The following WNK2 variants were observed in gnomAD, a reference collection of about 807,000 sequenced individuals.
WNK2 encodes WNK lysine deficient protein kinase 2, also known as serine/threonine-protein kinase WNK2.
WNK2 carries 67 observed loss-of-function variants against 192.1 expected under a neutral mutation model. That is an observed-to-expected ratio of 0.35 (90% CI 0.29 to 0.43). The LOEUF (loss-of-function observed/expected upper bound fraction) is 0.43, where lower values mean the gene tolerates loss of function less well. Among genes scored for constraint, WNK2 ranks in the 20% least tolerant of loss-of-function variants. The probability of loss-of-function intolerance (pLI) is 1.00; values close to 1 mark genes in which losing one functional copy is unlikely to be tolerated. For synonymous variants in WNK2, 1,439 were observed against 1,393.9 expected (o/e 1.03, Z -0.72); for missense variants, 2,698 against 3,089.7 (o/e 0.87, Z 3.01).
intron 2 of WNK2, among the ~76,000 whole-genome samples, chr9:93,226,174 C>T (rs1311758936): frequency 6.6e-6 from 1 of 152,216 alleles, no homozygotes; most frequent in Non-Finnish European, 1.5e-5. Context: ...CGTTCCTTTG[C>T]AGATAAGACT....
chr9:93,298,364 C>T (rs1030022123), intron 24 of WNK2, among the ~76,000 whole-genome samples: 6 of 152,244 alleles, frequency 3.9e-5, no homozygotes, highest in African/African-American at 1.4e-4. Flanking sequence ...CCTCCCTCAC[C>T]TGCTCCTCTG....
At position 93,184,144 on chromosome 9, in the gene WNK2, C is replaced by A. The variant is rs2130806590; in HGVS notation, c.-244C>A. Among the ~76,000 whole-genome samples the A allele has an allele frequency of 6.7e-6, 1 of 149,488 alleles. No individual in the cohort carries two copies. Among genetic ancestry groups the A allele is most frequent in the Non-Finnish European group, 1.5e-5 (1 of 67,066 alleles). ...GGGGCGAACGGAGCCCCGCCCTCCCCGCGCGCCGGGTCGGAGCCGGTGCGG... is the reference window on the plus strand; with the variant it reads ...GGGGCGAACGGAGCCCCGCCCTCCCAGCGCGCCGGGTCGGAGCCGGTGCGG... On this transcript the variant is annotated 5_prime_UTR_variant, in exon 1 of 30. Transcript: ENST00000427277.
chr9:93,283,128 C>T (rs920981995), intron 19 of WNK2, among the ~76,000 whole-genome samples: 7 of 152,024 alleles, frequency 4.6e-5, no homozygotes, highest in African/African-American at 1.4e-4. Flanking sequence ...GAAAATATTA[C>T]GTATCAAAAT....
chr9:93,243,372 A>C (rs999536275), intron 7 of WNK2, among the ~76,000 whole-genome samples: 1 of 152,094 alleles, frequency 6.6e-6, no homozygotes, highest in Non-Finnish European at 1.5e-5. Context: ...GCCCATCACC[A>C]CACAAGTCCC....
chr9:93,272,738 C>CAA (rs35641750), intron 19 of WNK2, among the ~76,000 whole-genome samples: 13,586 of 90,778 alleles, frequency 0.15, 1,939 homozygotes, highest in African/African-American at 0.22. Context: ...AACTCCGTCT[C>CAA]AAAAAAAAAA....
intron 2 of WNK2, among the ~76,000 whole-genome samples, chr9:93,205,573 G>A (rs186554470): frequency 2.6e-5 from 4 of 152,166 alleles, no homozygotes; most frequent in South Asian, 2.1e-4. Context: ...CCCCGCGGCC[G>A]GCTGTCTGGA....
chr9:93,190,485 G>A (rs1830141233), intron 2 of WNK2, among the ~76,000 whole-genome samples: 1 of 152,266 alleles, frequency 6.6e-6, no homozygotes, highest in African/African-American at 2.4e-5. Flanking sequence ...CCCAGAGGGA[G>A]GACCCCAGCA....
At chr9:93,289,750 G>T in intron 20 of WNK2, 130 bp downstream of exon 20, 1 of 1,027,974 alleles carries the variant, frequency 9.7e-7, no homozygotes, top group South Asian at 1.7e-5. Context: ...CTCTCTTGGT[G>T]ACCCACCCAC....
chr9:93,312,801 C>G (rs1853912034), intron 28 of WNK2, among the ~76,000 whole-genome samples: 1 of 152,150 alleles, frequency 6.6e-6, no homozygotes, highest in Non-Finnish European at 1.5e-5. Context: ...TAAGAGTTAG[C>G]CTTCATCTCT....
chr9:93,238,312 A>G lies in WNK2; in HGVS notation c.1313A>G (p.Lys438Arg). The change falls in exon 6 of 30, where the codon AAG (lysine) becomes AGG (arginine). Residue 438 changes from lysine to arginine, a missense_variant. Lys to Arg is a conservative substitution (Grantham distance 26). Coordinates refer to ENST00000427277, the MANE Select transcript of WNK2 (RefSeq NM_006648.4). ...EIIGECICKN[K>R]EERYEIKDLL... ...ATTGGGGAGTGTATCTGCAAAAACA[A>G]GGAGGAAAGGTGAGTTCCCCTGAAG... The G allele has an allele frequency of 6.2e-7, 1 of 1,614,018 alleles. No individual in the cohort carries two copies. Among genetic ancestry groups the G allele is most frequent in the Non-Finnish European group, 8.5e-7 (1 of 1,179,866 alleles).
Position 93,288,928 on chromosome 9 carries a change from A to ACTG in WNK2, c.4177_4179dup (p.Ala1393dup). 6.2e-7 allele frequency: 1 copy of ACTG among 1,606,514 alleles called. No homozygotes were observed. The highest frequency in any genetic ancestry group is 1.1e-5 in the South Asian group (1 of 89,958). The stretch of plus-strand genomic sequence containing the variant: ...TTTGGCCCCCTCCTCCCCTCCTGTG[A>ACTG]CTGCTCTGCCCCAAGATGGAGCAGC... On this transcript the variant is annotated inframe_insertion, in exon 20 of 30. Transcript: ENST00000427277.
chr9:93,308,331 C>A lies in WNK2; in HGVS notation c.6263C>A (p.Ser2088Tyr), dbSNP rs1440630391. 3 of 1,553,180 alleles carry A rather than the reference C, an allele frequency of 1.9e-6. No individual in the cohort carries two copies. In the Admixed American group the frequency reaches 5.9e-5, roughly 30 times the overall value. ...TGGCCTGTGTGTGACTCCCCAGGGTCCTCCACCAGCAGCCTGGCCCCAGGC... is the reference window on the plus strand; with the variant it reads ...TGGCCTGTGTGTGACTCCCCAGGGTACTCCACCAGCAGCCTGGCCCCAGGC... The part of the protein sequence containing the change: ...LCLGKEHSSR[S>Y]STSSLAPGPE... Residue 2088 changes from serine (S) to tyrosine (Y), a missense_variant, in exon 28 of 30, where the codon TCC (serine) becomes TAC (tyrosine). Physicochemically the swap from Ser to Tyr is moderately radical, Grantham distance 144 (BLOSUM62 -2). Transcript: ENST00000427277.
At chr9:93,201,067 C>T (rs1234954944) in intron 2 of WNK2, among the ~76,000 whole-genome samples, 1 of 152,164 alleles carries the variant, frequency 6.6e-6, no homozygotes, top group Non-Finnish European at 1.5e-5. Flanking sequence ...TGCAGCCCCT[C>T]CCCAGTGAGG....
Position 93,184,968 on chromosome 9 carries a change from G to T in WNK2, c.39G>T (p.Thr13=), listed in dbSNP as rs1435288883. Residue 13 remains threonine (T), a synonymous_variant, in exon 2 of 30, where the codon ACG becomes ACT. Transcript: ENST00000427277. The stretch of plus-strand genomic sequence containing the variant: ...GCGGCCGCCGAGACGTCCCCGGCAC[G>T]CTGATGGAGCCCGGGCGCGGCGCGG... ...GDGGRRDVPG[T]LMEPGRGAGP... 2 of 1,236,666 alleles carry T rather than the reference G, an allele frequency of 1.6e-6. No individual in the cohort carries two copies. The highest frequency in any genetic ancestry group is 4.3e-5 in the Admixed American group (1 of 23,344). 76.6% of individuals were successfully genotyped at this position (1,236,666 alleles called of 1,614,324 possible). A position where few individuals can be genotyped will look rare whatever the true frequency, so the allele number is the denominator to read the frequency against.
At chr9:93,273,374 C>G (rs112208236) in intron 19 of WNK2, among the ~76,000 whole-genome samples, 91 of 152,316 alleles carry the variant, frequency 6.0e-4, no homozygotes, top group African/African-American at 1.9e-3. Flanking sequence ...CCAGGATGGT[C>G]TCGACTCTTG....
intron 7 of WNK2, among the ~76,000 whole-genome samples, chr9:93,242,283 G>A (rs1047019823): frequency 6.6e-6 from 1 of 152,190 alleles, no homozygotes; most frequent in Non-Finnish European, 1.5e-5. Context: ...TCCCCACCTG[G>A]CCCATTCTCA....
chr9:93,244,335 A>G (rs944569340), intron 7 of WNK2, among the ~76,000 whole-genome samples: 6 of 152,164 alleles, frequency 3.9e-5, no homozygotes, highest in East Asian at 3.9e-4. Context: ...GCCAGCTTCA[A>G]TCTGGAAGGG....
At chr9:93,228,584 C>T (rs762678257) in intron 2 of WNK2, among the ~76,000 whole-genome samples, 11 of 152,096 alleles carry the variant, frequency 7.2e-5, no homozygotes, top group Non-Finnish European at 1.2e-4. Flanking sequence ...GCTCATTGGA[C>T]CAAGATGAGG....
chr9:93,214,061 A>T (rs1835262201), intron 2 of WNK2, among the ~76,000 whole-genome samples: 1 of 152,156 alleles, frequency 6.6e-6, no homozygotes, highest in Non-Finnish European at 1.5e-5. Flanking sequence ...AGTGACAATG[A>T]CTGATGCATT....
Sources: gnomAD v4.1 joint callset for allele counts (sites outside exome capture counted in the v4.1 genomes callset) on GRCh38, gnomAD v4.1.1 for gene constraint, MANE v1.5 for transcripts, NCBI Gene and HGNC (gene_info 2026-07-23, HGNC 2026-07-21) for gene names.